Variants in WNT7B observed in about 807,000 individuals in gnomAD.
The protein encoded by WNT7B is protein Wnt-7b.
A neutral mutation model predicts 38.2 loss-of-function variants in WNT7B; 19 were observed. The ratio of observed to expected loss-of-function variants is 0.50; its 90% CI spans 0.35 to 0.73. The LOEUF is 0.73. Ranked by LOEUF, WNT7B falls within the 30% of genes least tolerant of loss-of-function variation. The pLI is 0.01. For synonymous variants in WNT7B, 243 were observed against 209.3 expected (o/e 1.16, Z -1.39); for missense variants, 423 against 507.9 (o/e 0.83, Z 1.61).
intron 1 of WNT7B, among the ~76,000 whole-genome samples, chr22:45,963,579 C>T (rs1569124234): frequency 6.6e-6 from 1 of 152,192 alleles, no homozygotes; most frequent in African/African-American, 2.4e-5. Context: ...TTGGGCCAGG[C>T]CACACAGCAA....
At position 45,966,178 on chromosome 22, in the gene WNT7B, G is replaced by A. The variant is rs1459382653; in HGVS notation, c.71+10506C>T. ...GGGAGGGCCTTCTGGGGGAAACTGA[G>A]TCCTCCAGAAGTGGGAATGCCTCAT... On this transcript the variant is annotated intron_variant, in intron 1 of 3. Transcript: ENST00000339464. The surrounding 1 kb of genome is among the most constrained non-coding windows in gnomAD (Gnocchi z 4.2). 1.3e-5 allele frequency among the ~76,000 whole-genome samples: 2 copies of A among 152,226 alleles called. No homozygotes were observed. Among genetic ancestry groups the A allele is most frequent in the African/African-American group, 4.8e-5 (2 of 41,458 alleles).
At chr22:45,957,486 C>G (rs1361321731) in intron 1 of WNT7B, among the ~76,000 whole-genome samples, 1 of 151,796 alleles carries the variant, frequency 6.6e-6, no homozygotes, top group East Asian at 1.9e-4. Context: ...GAGTTTGAGA[C>G]CAGCCTAGCC....
intron 1 of WNT7B, among the ~76,000 whole-genome samples, chr22:45,957,681 T>TAAA: frequency 9.8e-5 from 1 of 10,220 alleles, no homozygotes; most frequent in Non-Finnish European, 1.7e-4. Flanking sequence ...AGACTCCGTC[T>TAAA]CAAAAAAAAA....
At chr22:45,972,884 C>G (rs543885886) in intron 1 of WNT7B, among the ~76,000 whole-genome samples, 3 of 152,390 alleles carry the variant, frequency 2.0e-5, no homozygotes, top group African/African-American at 7.2e-5. Context: ...CTGTGTGTGC[C>G]TGCGGGAGCG....
chr22:45,927,444 C>A, intron 3 of WNT7B: 1 of 1,547,142 alleles, frequency 6.5e-7, no homozygotes, highest in Non-Finnish European at 8.7e-7. Flanking sequence ...GCTAGGGGAA[C>A]GGCATAGCAA....
rs905998426 is a variant in WNT7B, at chr22:45,965,502, G to C, written c.71+11182C>G. 6.6e-6 allele frequency among the ~76,000 whole-genome samples: 1 copy of C among 152,180 alleles called. No homozygotes were observed. Among genetic ancestry groups the C allele is most frequent in the Non-Finnish European group, 1.5e-5 (1 of 68,020 alleles). ...GGAGGGAGGAAGAGGACCTGGGGGAGCATCCAGACCCACCACCCAGATGGG... is the reference window on the plus strand; with the variant it reads ...GGAGGGAGGAAGAGGACCTGGGGGACCATCCAGACCCACCACCCAGATGGG... On this transcript the variant is annotated intron_variant, in intron 1 of 3. Transcript: ENST00000339464. This position sits in a 1 kb window ranked among gnomAD's most constrained non-coding sequence, Gnocchi z 6.5.
chr22:45,923,360 G>C (rs762587147), intron 3 of WNT7B, 25 bp from the exon 4 acceptor site: 4 of 1,575,218 alleles, frequency 2.5e-6, no homozygotes, highest in East Asian at 2.2e-5. Flanking sequence ...GAAGCTGCTC[G>C]GCACGGCATG....
intron 1 of WNT7B, among the ~76,000 whole-genome samples, chr22:45,960,576 G>A (rs1262052219): frequency 6.6e-6 from 1 of 152,224 alleles, no homozygotes; most frequent in Non-Finnish European, 1.5e-5. Flanking sequence ...CCGGCCCCTG[G>A]CCCTGGCTGC....
Position 45,977,116 on chromosome 22 carries a change from C to T in WNT7B, c.-362G>A, listed in dbSNP as rs1932570133. On this transcript the variant is annotated 5_prime_UTR_variant, in exon 1 of 4. Transcript: ENST00000339464. ...GAGGCCGTGAGCGCCTCGCCGAGCG[C>T]CGCGGCGGCCAATGTGTCCGCACTT... 29 of 735,236 alleles carry T rather than the reference C, an allele frequency of 3.9e-5. No homozygotes were observed. The highest frequency in any genetic ancestry group is 6.0e-5 in the South Asian group (1 of 16,554). 45.5% of individuals were successfully genotyped at this position (735,236 alleles called of 1,614,324 possible). A position where few individuals can be genotyped will look rare whatever the true frequency, so the allele number is the denominator to read the frequency against.
intron 2 of WNT7B, among the ~76,000 whole-genome samples, chr22:45,939,670 C>CACACACAA (rs1417517350): frequency 3.3e-5 from 5 of 151,606 alleles, no homozygotes; most frequent in East Asian, 1.9e-4. Context: ...CACACACACA[C>CACACACAA]AAAAATAGCC....
intron 3 of WNT7B, among the ~76,000 whole-genome samples, chr22:45,928,634 T>TGTCCCCAGGGGCCAGTCCTGC (rs1555907086): frequency 7.9e-5 from 12 of 151,810 alleles, no homozygotes; most frequent in Non-Finnish European, 1.5e-4. Flanking sequence ...CCACCTCCTG[T>TGTCCCCAGGGGCCAGTCCTGC]CTCCATTTCC....
intron 1 of WNT7B, among the ~76,000 whole-genome samples, chr22:45,962,446 C>T (rs1183898126): frequency 1.3e-5 from 2 of 152,208 alleles, no homozygotes; most frequent in African/African-American, 4.8e-5. Context: ...GGACCAGCTC[C>T]TCCCCCTCCA....
At chr22:45,930,904 C>G (rs1278208983) in intron 3 of WNT7B, among the ~76,000 whole-genome samples, 194 bp downstream of exon 3, 1 of 152,178 alleles carries the variant, frequency 6.6e-6, no homozygotes, top group Non-Finnish European at 1.5e-5. Flanking sequence ...TCTCACATCT[C>G]TGGATGGGGA....
chr22:45,973,877 G>A (rs1932501207), intron 1 of WNT7B, among the ~76,000 whole-genome samples: 2 of 131,406 alleles, frequency 1.5e-5, no homozygotes, highest in African/African-American at 5.9e-5. Flanking sequence ...TGTGATGGCT[G>A]CACGTGCCCA....
At chr22:45,935,033 G>A (rs764947120) in intron 2 of WNT7B, among the ~76,000 whole-genome samples, 12 of 152,214 alleles carry the variant, frequency 7.9e-5, no homozygotes, top group Non-Finnish European at 1.6e-4. Context: ...CGCCCACTCC[G>A]AGGGCTTTGT....
chr22:45,964,788 T>C (rs1268918281), intron 1 of WNT7B, among the ~76,000 whole-genome samples: 1 of 152,142 alleles, frequency 6.6e-6, no homozygotes, highest in African/African-American at 2.4e-5. Context: ...GGCCTGGCAC[T>C]GCCCTGAGCA....
At chr22:45,969,445 C>A (rs568851169) in intron 1 of WNT7B, among the ~76,000 whole-genome samples, 2 of 152,234 alleles carry the variant, frequency 1.3e-5, no homozygotes, top group Non-Finnish European at 2.9e-5. Flanking sequence ...GCTGACCCAG[C>A]ACCACAAGCC....
At position 45,931,117 on chromosome 22, in the gene WNT7B, T is replaced by C; in HGVS notation, c.551A>G (p.Asn184Ser). The change falls in exon 3 of 4, where the codon AAC (asparagine) becomes AGC (serine). Residue 184 changes from asparagine (N) to serine (S), a missense_variant. Coordinates refer to ENST00000339464, the MANE Select transcript of WNT7B (RefSeq NM_058238.3). ...KNARRLMNLH[N>S]NEAGRKVLED... Reference sequence around the variant, plus strand: ...CCCTACCTTCCTGCCGGCCTCATTGTTATGCAGGTTCATGAGGCGCCGCGC... The same window carrying C: ...CCCTACCTTCCTGCCGGCCTCATTGCTATGCAGGTTCATGAGGCGCCGCGC... 6.3e-7 allele frequency: 1 copy of C among 1,587,020 alleles called. No individual in the cohort carries two copies. Among genetic ancestry groups the C allele is most frequent in the Non-Finnish European group, 8.6e-7 (1 of 1,168,840 alleles).
At chr22:45,929,077 T>C (rs28755830) in intron 3 of WNT7B, among the ~76,000 whole-genome samples, 4,406 of 151,922 alleles carry the variant, frequency 0.029, 109 homozygotes, top group Non-Finnish European at 0.045. Flanking sequence ...TCCCCGGGGG[T>C]GTGGGAAAGG....
Sources: allele counts gnomAD v4.1 joint callset (sites outside exome capture counted in the v4.1 genomes callset), GRCh38; gene constraint gnomAD v4.1.1; non-coding constraint Gnocchi (gnomAD v3.1); transcripts MANE v1.5; gene names NCBI Gene and HGNC (gene_info 2026-07-23, HGNC 2026-07-21).